The following ADGRB3 variants were observed in gnomAD, a reference collection of about 807,000 sequenced individuals.
The protein encoded by ADGRB3 is brain-specific angiogenesis inhibitor 3.
Under a neutral mutation model 193.4 loss-of-function variants are expected in ADGRB3, and 37 were observed. The ratio of observed to expected loss-of-function variants is 0.19; its 90% CI spans 0.15 to 0.25. The LOEUF is 0.25. Ranked by LOEUF, ADGRB3 falls within the 10% of genes least tolerant of loss-of-function variation. The pLI is 1.00. For synonymous variants in ADGRB3, 690 were observed against 644.2 expected, an observed-to-expected ratio of 1.07 and a Z score of -1.08; for missense variants, 1,637 against 1,852.9, an observed-to-expected ratio of 0.88 and a Z score of 2.14.
At chr6:69,233,078 C>T in intron 17 of ADGRB3, 1 of 639,432 alleles carries the variant, frequency 1.6e-6, no homozygotes, top group Non-Finnish European at 2.5e-6. Flanking sequence ...TCTCTGCACG[C>T]CGCACCGCCG....
chr6:69,211,527 A>C (rs949438094), intron 17 of ADGRB3, among the ~76,000 whole-genome samples: 1 of 152,202 alleles, frequency 6.6e-6, no homozygotes, highest in African/African-American at 2.4e-5. Context: ...GAACACTATC[A>C]GGTAGAAAAA....
chr6:68,867,091 A>G (rs1056273352), intron 3 of ADGRB3, among the ~76,000 whole-genome samples: 1 of 152,342 alleles, frequency 6.6e-6, no homozygotes. Flanking sequence ...GCCAAATGTT[A>G]AGACAATGGG....
intron 3 of ADGRB3, among the ~76,000 whole-genome samples, chr6:68,782,504 G>T (rs1053134042): frequency 3.3e-5 from 5 of 152,102 alleles, no homozygotes; most frequent in Middle Eastern, 3.4e-3. Context: ...GGGATGGCTG[G>T]GTCAAATGAT....
At chr6:68,817,429 A>C (rs1288747131) in intron 3 of ADGRB3, among the ~76,000 whole-genome samples, 1 of 146,402 alleles carries the variant, frequency 6.8e-6, no homozygotes, top group East Asian at 2.0e-4. Flanking sequence ...GATATTCATT[A>C]GATATCTAGT....
chr6:68,858,900 G>T (rs1765070224), intron 3 of ADGRB3, among the ~76,000 whole-genome samples: 1 of 152,066 alleles, frequency 6.6e-6, no homozygotes, highest in South Asian at 2.1e-4. Context: ...TCTCTCACAT[G>T]CCCTTGAGAC....
intron 17 of ADGRB3, among the ~76,000 whole-genome samples, chr6:69,220,685 T>C (rs1020161162): frequency 6.6e-6 from 1 of 152,136 alleles, no homozygotes; most frequent in Non-Finnish European, 1.5e-5. Context: ...CACTGCTCAT[T>C]AAAATGTTAA....
chr6:68,751,508 G>T (rs755253104), intron 3 of ADGRB3, among the ~76,000 whole-genome samples: 3 of 152,112 alleles, frequency 2.0e-5, no homozygotes, highest in Non-Finnish European at 2.9e-5. Flanking sequence ...GAGGAAGAGA[G>T]AACTCTATTT....
At chr6:68,863,194 A>C (rs1393321954) in intron 3 of ADGRB3, among the ~76,000 whole-genome samples, 1 of 152,072 alleles carries the variant, frequency 6.6e-6, no homozygotes, top group Non-Finnish European at 1.5e-5. Context: ...CCTTTTCATT[A>C]ATTTTAGCAC....
chr6:69,223,919 A>C (rs1765953364), intron 17 of ADGRB3, among the ~76,000 whole-genome samples: 1 of 151,850 alleles, frequency 6.6e-6, no homozygotes, highest in African/African-American at 2.4e-5. Flanking sequence ...AGCCTCCCAA[A>C]GTGTTAGGAT....
At chr6:69,007,551 C>G (rs1042809985) in intron 11 of ADGRB3, among the ~76,000 whole-genome samples, 5 of 151,998 alleles carry the variant, frequency 3.3e-5, no homozygotes, top group African/African-American at 7.2e-5. Flanking sequence ...CTTCCCTTTT[C>G]TTCTGGAACT....
At position 68,745,376 on chromosome 6, in the gene ADGRB3, A is replaced by T. The variant is rs565631065; in HGVS notation, c.757+105944A>T. On this transcript the variant is annotated intron_variant, in intron 3 of 31. Transcript: ENST00000370598. ...TATATTGTATGATTCCACTTATATGAGGTATCCAAAGTAGTCAAATTTATA... is the reference window on the plus strand; with the variant it reads ...TATATTGTATGATTCCACTTATATGTGGTATCCAAAGTAGTCAAATTTATA... Among the ~76,000 whole-genome samples the T allele has an allele frequency of 5.9e-5, 9 of 152,284 alleles. No homozygotes were observed. The South Asian group carries it at 1.9e-3, about 32-fold the overall frequency.
intron 20 of ADGRB3, among the ~76,000 whole-genome samples, chr6:69,271,054 A>C (rs1206900047): frequency 1.3e-5 from 2 of 152,230 alleles, no homozygotes; most frequent in South Asian, 4.1e-4. Context: ...TGGGAAAGTT[A>C]TAAAATGTGT....
At chr6:68,880,418 G>A (rs140976370) in intron 3 of ADGRB3, among the ~76,000 whole-genome samples, 4 of 152,264 alleles carry the variant, frequency 2.6e-5, no homozygotes, top group Middle Eastern at 3.4e-3. Context: ...TGTTTCTTAA[G>A]TGTAAAAACT....
intron 8 of ADGRB3, among the ~76,000 whole-genome samples, chr6:68,962,296 G>A (rs962285154): frequency 6.6e-6 from 1 of 152,118 alleles, no homozygotes; most frequent in Non-Finnish European, 1.5e-5. Context: ...CTACAGTTCT[G>A]CAGCAAATCA....
At chr6:69,285,930 G>T (rs1344674326) in intron 20 of ADGRB3, among the ~76,000 whole-genome samples, 6 of 151,922 alleles carry the variant, frequency 3.9e-5, no homozygotes, top group African/African-American at 1.5e-4. Flanking sequence ...AAAACAAAAG[G>T]TTTACTGTAA....
intron 3 of ADGRB3, among the ~76,000 whole-genome samples, chr6:68,892,172 T>A (rs1766096304): frequency 6.6e-6 from 1 of 151,292 alleles, no homozygotes; most frequent in African/African-American, 2.4e-5. Context: ...AATTTTCCAC[T>A]CAGCCATCAA....
At chr6:69,236,533 C>A (rs1766271594) in intron 19 of ADGRB3, among the ~76,000 whole-genome samples, 1 of 152,058 alleles carries the variant, frequency 6.6e-6, no homozygotes. Flanking sequence ...CTTCCTCTAC[C>A]ACAATTGTTT....
rs1459820082 is a variant in ADGRB3 at position 69,389,494 on chromosome 6, AC to A, written c.*604del. 5 of 152,566 alleles carry A rather than the reference AC, an allele frequency of 3.3e-5. No homozygotes were observed. The highest frequency in any genetic ancestry group is 1.3e-4 in the Admixed American group (2 of 15,254). 9.5% of individuals were successfully genotyped at this position (152,566 alleles called of 1,614,324 possible). A position where few individuals can be genotyped will look rare whatever the true frequency, so the allele number is the denominator to read the frequency against. On this transcript the variant is annotated 3_prime_UTR_variant, in exon 32 of 32. Coordinates refer to ENST00000370598, the MANE Select transcript of ADGRB3 (RefSeq NM_001704.3). ...TTAAAATGTTGTATGGTGTAAATAAACTTTTGTCTACATATCAGTTTTTTAG... is the reference window on the plus strand; with the variant it reads ...TTAAAATGTTGTATGGTGTAAATAAATTTTGTCTACATATCAGTTTTTTAG...
chr6:69,060,186 T>TTCTCTCTCTTTCTCTG (rs1562141855), intron 15 of ADGRB3, among the ~76,000 whole-genome samples: 49 of 131,810 alleles, frequency 3.7e-4, no homozygotes, highest in Middle Eastern at 4.1e-3. Flanking sequence ...CACATTTTCT[T>TTCTCTCTCTTTCTCTG]TCTCTCTCTC....
Sources: allele counts gnomAD v4.1 joint callset (sites outside exome capture counted in the v4.1 genomes callset), GRCh38; gene constraint gnomAD v4.1.1; transcripts MANE v1.5; gene names NCBI Gene and HGNC (gene_info 2026-07-23, HGNC 2026-07-21).